CPEB3: variants seen among roughly 807,000 people sequenced by gnomAD.
CPEB3 encodes the protein cytoplasmic polyadenylation element binding protein 3.
A neutral mutation model predicts 67.2 loss-of-function variants in CPEB3; 20 were observed. The ratio of observed to expected loss-of-function variants is 0.30; its 90% CI spans 0.21 to 0.43. The LOEUF is 0.43. Among genes scored for constraint, CPEB3 ranks in the 20% least tolerant of loss-of-function variants. CPEB3 has a pLI of 1.00. For missense variants in CPEB3, 746 were observed against 968.6 expected, an observed-to-expected ratio of 0.77 and a Z score of 3.05; for synonymous variants, 376 against 393.1, an observed-to-expected ratio of 0.96 and a Z score of 0.51.
chr10:92,082,644 A>G (rs1843203111), intron 8 of CPEB3, among the ~76,000 whole-genome samples: 1 of 152,130 alleles, frequency 6.6e-6, no homozygotes, highest in African/African-American at 2.4e-5. Context: ...AACATGTAGC[A>G]CTTACCTGCA....
chr10:92,142,613 A>G (rs1455020398), intron 6 of CPEB3, among the ~76,000 whole-genome samples: 2 of 152,240 alleles, frequency 1.3e-5, no homozygotes, highest in Non-Finnish European at 2.9e-5. Context: ...GTACAATGCC[A>G]TTCTTTAGCC....
intron 4 of CPEB3, among the ~76,000 whole-genome samples, chr10:92,179,392 C>T (rs1848368047): frequency 1.3e-5 from 2 of 152,176 alleles, no homozygotes; most frequent in African/African-American, 4.8e-5. Context: ...GAAGAGGATT[C>T]ACATCATGTC....
chr10:92,141,643 A>G (rs912486922), intron 6 of CPEB3, among the ~76,000 whole-genome samples: 1 of 151,004 alleles, frequency 6.6e-6, no homozygotes. Flanking sequence ...ATAATAAAAA[A>G]TAATAATAAT....
chr10:92,093,319 T>C (rs1244548214), intron 7 of CPEB3, among the ~76,000 whole-genome samples: 1 of 152,208 alleles, frequency 6.6e-6, no homozygotes, highest in African/African-American at 2.4e-5. Flanking sequence ...ATTAATGGAA[T>C]TGTTCATTTC....
intron 2 of CPEB3, chr10:92,216,369 C>T: frequency 6.2e-7 from 1 of 1,611,582 alleles, no homozygotes; most frequent in South Asian, 1.1e-5. Context: ...GGGCCCGAGG[C>T]TCAGGCGGAG....
chr10:92,287,931 C>G (rs577480409), intron 1 of CPEB3, among the ~76,000 whole-genome samples: 22 of 152,268 alleles, frequency 1.4e-4, no homozygotes, highest in Admixed American at 5.9e-4. Context: ...CTTTCCGTCT[C>G]TATGGAGTTG....
intron 3 of CPEB3, among the ~76,000 whole-genome samples, chr10:92,188,342 A>AAC (rs1848796873): frequency 6.7e-6 from 1 of 149,602 alleles, no homozygotes; most frequent in Non-Finnish European, 1.5e-5. Flanking sequence ...AAAAAAAAAA[A>AAC]AAAAAAAAAA....
intron 8 of CPEB3, among the ~76,000 whole-genome samples, chr10:92,082,766 AC>A (rs553282868): frequency 2.0e-5 from 3 of 152,092 alleles, no homozygotes; most frequent in Non-Finnish European, 2.9e-5. Flanking sequence ...ACTCAGCACT[AC>A]CCCTGGGAAG....
intron 2 of CPEB3, among the ~76,000 whole-genome samples, chr10:92,197,386 G>A (rs1484867104): frequency 6.6e-6 from 1 of 152,164 alleles, no homozygotes; most frequent in Non-Finnish European, 1.5e-5. Context: ...AAAATCTACA[G>A]TGGAATTCAT....
intron 5 of CPEB3, 23 bp from the exon 6 acceptor site, chr10:92,143,141 T>C (rs976930354): frequency 7.6e-6 from 12 of 1,578,962 alleles, no homozygotes; most frequent in East Asian, 2.2e-5. Context: ...GAAAGAATCT[T>C]AGCAAAAGAG....
At chr10:92,130,004 T>C (rs1845772634) in intron 6 of CPEB3, among the ~76,000 whole-genome samples, 1 of 152,116 alleles carries the variant, frequency 6.6e-6, no homozygotes, top group Admixed American at 6.6e-5. Flanking sequence ...ACTACTGCAC[T>C]CTAGCCTGGG....
intron 6 of CPEB3, among the ~76,000 whole-genome samples, chr10:92,125,766 G>T (rs146494026): frequency 0.014 from 2,195 of 151,798 alleles, 56 homozygotes; most frequent in African/African-American, 0.05. Flanking sequence ...GGTTGCCCAG[G>T]CTGGAGTGTA....
At chr10:92,135,361 C>T (rs184925113) in intron 6 of CPEB3, among the ~76,000 whole-genome samples, 29 of 152,160 alleles carry the variant, frequency 1.9e-4, no homozygotes, top group Non-Finnish European at 2.4e-4. Context: ...GATATGAATA[C>T]GCACTTCTCA....
At chr10:92,076,819 G>A (rs1590083281) in intron 9 of CPEB3, among the ~76,000 whole-genome samples, 1 of 141,576 alleles carries the variant, frequency 7.1e-6, no homozygotes, top group African/African-American at 2.5e-5. Flanking sequence ...GAGGAGGGGA[G>A]AAAGAGGAGG....
intron 4 of CPEB3, among the ~76,000 whole-genome samples, chr10:92,159,691 AAAAC>A (rs1483864424): frequency 6.6e-6 from 1 of 152,170 alleles, no homozygotes; most frequent in Non-Finnish European, 1.5e-5. Flanking sequence ...CAGAAAACAA[AAAAC>A]AAACAAACAA....
At chr10:92,120,098 C>CAAAAAA (rs34785763) in intron 6 of CPEB3, among the ~76,000 whole-genome samples, 6 of 45,280 alleles carry the variant, frequency 1.3e-4, no homozygotes, top group East Asian at 5.6e-4. Context: ...ACTAAAAATA[C>CAAAAAA]AAAAAAAAAA....
chr10:92,229,330 A>G (rs1851148962), intron 2 of CPEB3, among the ~76,000 whole-genome samples: 1 of 152,116 alleles, frequency 6.6e-6, no homozygotes, highest in Non-Finnish European at 1.5e-5. Context: ...AGCCACACCC[A>G]GCCTTCTCCT....
intron 1 of CPEB3, among the ~76,000 whole-genome samples, chr10:92,261,725 A>G (rs931989262): frequency 1.3e-5 from 2 of 152,184 alleles, no homozygotes; most frequent in Admixed American, 1.3e-4. Flanking sequence ...GTGGGATTAC[A>G]GGCATGAGCC....
chr10:92,054,484 C>T (rs1468638998), intron 9 of CPEB3, among the ~76,000 whole-genome samples: 1 of 151,678 alleles, frequency 6.6e-6, no homozygotes, highest in Non-Finnish European at 1.5e-5. Context: ...AGTGCAATGG[C>T]GCAATCTCAG....
Sources: gnomAD v4.1 joint callset for allele counts (sites outside exome capture counted in the v4.1 genomes callset) on GRCh38, gnomAD v4.1.1 for gene constraint, MANE v1.5 for transcripts, NCBI Gene and HGNC (gene_info 2026-07-23, HGNC 2026-07-21) for gene names.